Variants in PTPRT observed in about 807,000 individuals in gnomAD.
The protein encoded by PTPRT is protein tyrosine phosphatase receptor type T.
In PTPRT, 56 loss-of-function variants were observed where a neutral mutation model predicts 176.8. The observed-to-expected ratio is 0.32, with a 90% confidence interval of 0.26 to 0.40. The LOEUF (loss-of-function observed/expected upper bound fraction) is 0.40. Among genes scored for constraint, PTPRT ranks in the 10% least tolerant of loss-of-function variants. PTPRT has a pLI of 1.00. For missense variants in PTPRT, 1,540 were observed against 1,908.2 expected (o/e 0.81, Z 3.60); for synonymous variants, 783 against 739.0 (o/e 1.06, Z -0.96).
intron 9 of PTPRT, among the ~76,000 whole-genome samples, chr20:42,409,803 T>C (rs2058996273): frequency 6.6e-6 from 1 of 152,220 alleles, no homozygotes; most frequent in African/African-American, 2.4e-5. Flanking sequence ...TAGCAACACA[T>C]TTTTGTTACT....
chr20:42,065,889 C>G, the PTPRT span, among the ~76,000 whole-genome samples: 1 of 150,338 alleles, frequency 6.7e-6, no homozygotes, highest in East Asian at 2.0e-4. Context: ...TTGAGGCCAT[C>G]ATATTTCATC....
chr20:42,633,873 ATATAT>A (rs1435874710), intron 7 of PTPRT, among the ~76,000 whole-genome samples: 1 of 84,136 alleles, frequency 1.2e-5, no homozygotes, highest in African/African-American at 5.1e-5. Context: ...ATTATCTATA[ATATAT>A]TATAATATAA....
At chr20:42,397,578 A>T (rs1279335449) in intron 9 of PTPRT, among the ~76,000 whole-genome samples, 1 of 152,202 alleles carries the variant, frequency 6.6e-6, no homozygotes, top group Non-Finnish European at 1.5e-5. Flanking sequence ...AGTTTAAGTT[A>T]ACGGCTTTCA....
chr20:42,996,460 A>G (rs540591832), intron 1 of PTPRT, among the ~76,000 whole-genome samples: 1 of 152,290 alleles, frequency 6.6e-6, no homozygotes, highest in African/African-American at 2.4e-5. Flanking sequence ...TGTATCCGTG[A>G]TTGCTTCCTT....
intron 1 of PTPRT, among the ~76,000 whole-genome samples, chr20:42,936,479 T>C (rs73271801): frequency 6.6e-6 from 1 of 152,144 alleles, no homozygotes; most frequent in Admixed American, 6.5e-5. Flanking sequence ...AAGGACTTTG[T>C]TTTTTATTGC....
At chr20:42,604,441 G>A (rs562255851) in intron 7 of PTPRT, among the ~76,000 whole-genome samples, 1 of 152,300 alleles carries the variant, frequency 6.6e-6, no homozygotes, top group South Asian at 2.1e-4. Flanking sequence ...AATACTGTGA[G>A]TTAGGCTTTT....
intron 6 of PTPRT, among the ~76,000 whole-genome samples, chr20:42,738,220 A>T (rs1209765909): frequency 7.2e-5 from 11 of 152,194 alleles, no homozygotes; most frequent in African/African-American, 2.4e-5. Flanking sequence ...AGAATTAAGA[A>T]TGACATTCTT....
chr20:42,279,131 C>T (rs2057098045), intron 13 of PTPRT, among the ~76,000 whole-genome samples: 2 of 152,124 alleles, frequency 1.3e-5, no homozygotes, highest in African/African-American at 4.8e-5. Context: ...TGTTTACCCA[C>T]TGGCTGCAGT....
At chr20:42,850,144 C>A (rs182229232) in intron 2 of PTPRT, among the ~76,000 whole-genome samples, 2 of 152,188 alleles carry the variant, frequency 1.3e-5, no homozygotes, top group Admixed American at 6.5e-5. Flanking sequence ...CAAGTTCCCC[C>A]CTTCAGGTTT....
chr20:42,922,854 A>G (rs1175087238), intron 1 of PTPRT, among the ~76,000 whole-genome samples: 1 of 152,010 alleles, frequency 6.6e-6, no homozygotes, highest in African/African-American at 2.4e-5. Flanking sequence ...TGAAGCATAG[A>G]CCACCCTTAC....
chr20:42,861,081 C>G (rs2078652690), intron 2 of PTPRT, among the ~76,000 whole-genome samples: 2 of 152,214 alleles, frequency 1.3e-5, no homozygotes, highest in South Asian at 2.1e-4. Flanking sequence ...CTCTCTGCTT[C>G]TAGCTGAGTT....
chr20:42,972,702 A>AAAAAAAAAAG (rs1982725750), intron 1 of PTPRT, among the ~76,000 whole-genome samples: 1 of 148,250 alleles, frequency 6.7e-6, no homozygotes, highest in African/African-American at 2.5e-5. Context: ...AAAAAAAGGA[A>AAAAAAAAAAG]GAAGAAGAAT....
At chr20:42,198,276 TGAGA>T (rs1403983225) in intron 16 of PTPRT, among the ~76,000 whole-genome samples, 10 of 152,232 alleles carry the variant, frequency 6.6e-5, no homozygotes, top group Non-Finnish European at 1.5e-4. Context: ...ATGGTGAGGA[TGAGA>T]GACAGTGTCT....
In PTPRT at chr20:42,085,027, C is replaced by T. The variant is rs184942379; in HGVS notation, c.3973-182G>A. ...CCTTCGTGTACACAGATTCTCTTGC[C>T]GTGACTGCCCTGAACCCCCTTTTGT... On this transcript the variant is annotated intron_variant, in intron 28 of 30. Coordinates refer to ENST00000373187, the MANE Select transcript of PTPRT (RefSeq NM_007050.6). Among the ~76,000 whole-genome samples the T allele has an allele frequency of 2.4e-4, 36 of 152,324 alleles. No homozygotes were observed. In the East Asian group the frequency reaches 5.4e-3, roughly 23 times the overall value.
chr20:42,902,379 C>T (rs1299383567), intron 1 of PTPRT, among the ~76,000 whole-genome samples: 2 of 152,080 alleles, frequency 1.3e-5, no homozygotes, highest in African/African-American at 4.8e-5. Flanking sequence ...CTGGAGTGCC[C>T]TTTGACCCCA....
intron 2 of PTPRT, among the ~76,000 whole-genome samples, chr20:42,827,571 C>T (rs1422953077): frequency 6.6e-6 from 1 of 152,176 alleles, no homozygotes; most frequent in Non-Finnish European, 1.5e-5. Context: ...AGAGGGAAAT[C>T]TATAGCACTA....
intron 1 of PTPRT, among the ~76,000 whole-genome samples, chr20:43,015,956 A>AC (rs965586085): frequency 3.3e-5 from 5 of 151,788 alleles, no homozygotes; most frequent in African/African-American, 1.2e-4. Flanking sequence ...AAGAAAAAAA[A>AC]AAAAAAGCCC....
chr20:42,979,983 G>T (rs557240638), intron 1 of PTPRT, among the ~76,000 whole-genome samples: 109 of 118,680 alleles, frequency 9.2e-4, no homozygotes, highest in African/African-American at 3.1e-3. Context: ...CGGCCGGGAA[G>T]GGGGGGTGGG....
intron 8 of PTPRT, among the ~76,000 whole-genome samples, chr20:42,471,954 C>A (rs1322601401): frequency 6.6e-6 from 1 of 152,176 alleles, no homozygotes; most frequent in Non-Finnish European, 1.5e-5. Flanking sequence ...CCACACCTGG[C>A]CACAGGTATT....
Sources: gnomAD v4.1 joint callset for allele counts (sites outside exome capture counted in the v4.1 genomes callset) on GRCh38, gnomAD v4.1.1 for gene constraint, MANE v1.5 for transcripts, NCBI Gene and HGNC (gene_info 2026-07-23, HGNC 2026-07-21) for gene names.